ROBO1: variants seen among roughly 807,000 people sequenced by gnomAD.
ROBO1 encodes the protein roundabout guidance receptor 1.
Under a neutral mutation model 195.9 loss-of-function variants are expected in ROBO1, and 149 were observed. The ratio of observed to expected loss-of-function variants is 0.76; its 90% confidence interval spans 0.67 to 0.87. The LOEUF (loss-of-function observed/expected upper bound fraction) is 0.87, where lower values mean the gene tolerates loss of function less well. Ranked by LOEUF, ROBO1 falls within the 40% of genes least tolerant of loss-of-function variation. The pLI is 0.00. For missense variants in ROBO1, 1,933 were observed against 2,068.3 expected, an observed-to-expected ratio of 0.93 and a Z score of 1.27; for synonymous variants, 816 against 733.2, an observed-to-expected ratio of 1.11 and a Z score of -1.82.
At chr3:78,798,645 G>C (rs575163347) in intron 4 of ROBO1, among the ~76,000 whole-genome samples, 4 of 152,270 alleles carry the variant, frequency 2.6e-5, no homozygotes, top group African/African-American at 9.6e-5. Flanking sequence ...CAACAAAAGA[G>C]ATCAAAAGAG....
intron 1 of ROBO1, among the ~76,000 whole-genome samples, chr3:79,668,269 T>A (rs1376942106): frequency 6.6e-6 from 1 of 151,694 alleles, no homozygotes; most frequent in East Asian, 1.9e-4. Flanking sequence ...TTTTACTGTT[T>A]GGGAAGCATG....
chr3:78,936,744 C>A (rs1330448096), intron 4 of ROBO1, among the ~76,000 whole-genome samples: 1 of 152,020 alleles, frequency 6.6e-6, no homozygotes, highest in Non-Finnish European at 1.5e-5. Flanking sequence ...TTTGTATATA[C>A]AGCAGTCCTG....
At chr3:79,744,457 C>T (rs1013057120) in intron 1 of ROBO1, among the ~76,000 whole-genome samples, 5 of 152,086 alleles carry the variant, frequency 3.3e-5, no homozygotes, top group African/African-American at 1.2e-4. Context: ...GAAGGTAGGG[C>T]CTTTGGGAGC....
At chr3:78,873,653 T>G (rs990983575) in intron 4 of ROBO1, among the ~76,000 whole-genome samples, 1 of 152,168 alleles carries the variant, frequency 6.6e-6, no homozygotes, top group Admixed American at 6.6e-5. Context: ...GGAATACTTC[T>G]TCAACAACTA....
intron 2 of ROBO1, among the ~76,000 whole-genome samples, chr3:79,171,449 G>C (rs2081164668): frequency 1.4e-5 from 2 of 147,832 alleles, no homozygotes; most frequent in African/African-American, 2.5e-5. Flanking sequence ...CAAAATCTGG[G>C]CTTAATTTTT....
At chr3:79,034,813 T>C (rs746752624) in intron 3 of ROBO1, among the ~76,000 whole-genome samples, 34 of 152,104 alleles carry the variant, frequency 2.2e-4, no homozygotes, top group Non-Finnish European at 4.0e-4. Context: ...CTGTGTGTTA[T>C]TGGGTGAAGG....
intron 2 of ROBO1, among the ~76,000 whole-genome samples, chr3:79,191,940 G>T (rs1367366488): frequency 6.6e-6 from 1 of 151,422 alleles, no homozygotes; most frequent in African/African-American, 2.4e-5. Context: ...TTTTTAAAGA[G>T]GTTTCAATAA....
At chr3:78,631,527 T>C (rs1705188066) in intron 24 of ROBO1, among the ~76,000 whole-genome samples, 1 of 152,110 alleles carries the variant, frequency 6.6e-6, no homozygotes, top group Non-Finnish European at 1.5e-5. Context: ...AATAAAACCA[T>C]GAATGAATGT....
rs1477415030 is a variant in ROBO1 at position 78,614,820 on chromosome 3, A to G, written c.4283-20T>C. The G allele has an allele frequency of 6.4e-7, 1 of 1,568,956 alleles. No homozygotes were observed. Among genetic ancestry groups the G allele is most frequent in the Non-Finnish European group, 8.6e-7 (1 of 1,160,578 alleles). ...GACGGCCTAAGGAGAAAAAAAAAAAAAATCCAAGCCAAACTCATCAGTGAA... is the reference window on the plus strand; with the variant it reads ...GACGGCCTAAGGAGAAAAAAAAAAAGAATCCAAGCCAAACTCATCAGTGAA... On this transcript the variant is annotated intron_variant, in intron 27 of 30. Transcript: ENST00000464233.
chr3:78,737,207 T>A (rs575950390), intron 5 of ROBO1, among the ~76,000 whole-genome samples: 186 of 152,308 alleles, frequency 1.2e-3, no homozygotes, highest in African/African-American at 4.3e-3. Context: ...AACTGAAAAT[T>A]CTCACAGTGG....
At chr3:78,671,015 T>A (rs1708034109) in intron 10 of ROBO1, among the ~76,000 whole-genome samples, 1 of 152,218 alleles carries the variant, frequency 6.6e-6, no homozygotes, top group Non-Finnish European at 1.5e-5. Flanking sequence ...ACCATACTTC[T>A]CTATTGGGAT....
At chr3:79,676,284 A>G (rs539062944) in intron 1 of ROBO1, among the ~76,000 whole-genome samples, 3 of 152,216 alleles carry the variant, frequency 2.0e-5, no homozygotes, top group Admixed American at 6.6e-5. Flanking sequence ...AATTAATGAA[A>G]CTAATACATA....
chr3:79,272,101 C>A (rs2030619806), intron 2 of ROBO1, among the ~76,000 whole-genome samples: 1 of 151,930 alleles, frequency 6.6e-6, no homozygotes, highest in African/African-American at 2.4e-5. Context: ...TCGCAGCACT[C>A]AGAAACATTT....
chr3:79,690,912 T>TA (rs1947280108), intron 1 of ROBO1, among the ~76,000 whole-genome samples: 1 of 151,940 alleles, frequency 6.6e-6, no homozygotes, highest in African/African-American at 2.4e-5. Context: ...CATTGGGTAG[T>TA]AACTCTTAAA....
chr3:78,854,031 C>T (rs898673734), intron 4 of ROBO1, among the ~76,000 whole-genome samples: 4 of 152,060 alleles, frequency 2.6e-5, no homozygotes, highest in African/African-American at 7.2e-5. Flanking sequence ...GGTGGGGACA[C>T]AGCCAATCCA....
intron 4 of ROBO1, among the ~76,000 whole-genome samples, chr3:78,843,755 G>A (rs2033450494): frequency 6.6e-6 from 1 of 152,066 alleles, no homozygotes; most frequent in African/African-American, 2.4e-5. Flanking sequence ...CAAAGTTCGA[G>A]AAGAATCTCT....
intron 4 of ROBO1, among the ~76,000 whole-genome samples, chr3:78,888,891 AAACT>A (rs1014816119): frequency 6.6e-6 from 1 of 152,326 alleles, no homozygotes; most frequent in Non-Finnish European, 1.5e-5. Context: ...GTCATTTGAA[AAACT>A]AACTGTTCAC....
At chr3:79,060,410 T>A (rs575660462) in intron 3 of ROBO1, among the ~76,000 whole-genome samples, 1 of 152,080 alleles carries the variant, frequency 6.6e-6, no homozygotes, top group South Asian at 2.1e-4. Flanking sequence ...AAATTCCTAA[T>A]AAAAACTTGC....
At chr3:78,704,924 T>G (rs185077090) in intron 8 of ROBO1, among the ~76,000 whole-genome samples, 4 of 152,308 alleles carry the variant, frequency 2.6e-5, no homozygotes, top group Admixed American at 2.0e-4. Flanking sequence ...CTAATTCACA[T>G]GTTAGAAAAT....
Sources: gnomAD v4.1 joint callset for allele counts (sites outside exome capture counted in the v4.1 genomes callset) on GRCh38, gnomAD v4.1.1 for gene constraint, MANE v1.5 for transcripts, NCBI Gene and HGNC (gene_info 2026-07-23, HGNC 2026-07-21) for gene names.